The following KIF11 variants were observed in gnomAD, a reference collection of about 807,000 sequenced individuals.
KIF11 encodes the protein kinesin family member 11.
In KIF11, 9 loss-of-function variants were observed where a neutral mutation model predicts 121.0. That is an observed-to-expected ratio of 0.07 (90% CI 0.04 to 0.13). The LOEUF is 0.13. Ranked by LOEUF, KIF11 falls within the 10% of genes least tolerant of loss-of-function variation. KIF11 has a pLI of 1.00. For missense variants in KIF11, 846 were observed against 1,217.5 expected (o/e 0.69, Z 4.54); for synonymous variants, 408 against 421.0 (o/e 0.97, Z 0.38).
intron 11 of KIF11, among the ~76,000 whole-genome samples, chr10:92,629,518 T>C (rs1844713860): frequency 2.6e-5 from 4 of 152,128 alleles, no homozygotes. Flanking sequence ...ATACAGATAT[T>C]GGGAGAGACT....
At position 92,637,477 on chromosome 10, in the gene KIF11, G is replaced by A; in HGVS notation, c.2092G>A (p.Val698Ile). ...ELQENTICSL[V>I]ESQKQCGNLT... Reference sequence around the variant, plus strand: ...ACAAGAAAATACCATTTGTTCCTTGGTTGAGTCACAAAAGCAATGTGGAAA... The same window carrying A: ...ACAAGAAAATACCATTTGTTCCTTGATTGAGTCACAAAAGCAATGTGGAAA... Residue 698 changes from valine to isoleucine, a missense_variant, in exon 16 of 22, where the codon GTT (valine) becomes ATT (isoleucine). By Grantham distance (29) the Val-to-Ile change is conservative. Around this residue, in one of 5 missense-constraint regions of KIF11, gnomAD observed 492 missense variants for 603.4 expected, o/e 0.82. Coordinates refer to ENST00000260731, the MANE Select transcript of KIF11 (RefSeq NM_004523.4). 1 of 1,608,468 alleles carries A rather than the reference G, an allele frequency of 6.2e-7. No individual in the cohort carries two copies. Among genetic ancestry groups the A allele is most frequent in the South Asian group, 1.1e-5 (1 of 89,634 alleles).
In KIF11 at chr10:92,613,448, T is replaced by C; in HGVS notation, c.861T>C (p.Asn287=). 6.2e-7 allele frequency: 1 copy of C among 1,612,406 alleles called. No homozygotes were observed. Among genetic ancestry groups the C allele is most frequent in the Non-Finnish European group, 8.5e-7 (1 of 1,178,484 alleles). ...ATAAGAGAGCTCGGGAAGCTGGAAA[T>C]ATAAATCAATCCCTGTTGACTTTGG... is the stretch of plus-strand genomic sequence containing the variant. ...AVDKRAREAG[N]INQSLLTLGR... is the part of the protein sequence containing the mutation. Residue 287 remains asparagine, a synonymous_variant, in exon 8 of 22, where the codon AAT becomes AAC. Transcript: ENST00000260731. The surrounding 1 kb of genome is among the most constrained non-coding windows in gnomAD (Gnocchi z 4.2).
At chr10:92,649,531 AT>A (rs1055165784) in intron 19 of KIF11, among the ~76,000 whole-genome samples, 4 of 152,094 alleles carry the variant, frequency 2.6e-5, no homozygotes, top group Non-Finnish European at 4.4e-5. Flanking sequence ...TAATGCTGCC[AT>A]TTTTTTCAGA....
intron 18 of KIF11, among the ~76,000 whole-genome samples, chr10:92,647,452 C>T (rs1844931853): frequency 6.6e-6 from 1 of 151,982 alleles, no homozygotes; most frequent in African/African-American, 2.4e-5. Context: ...ATATAGTCAC[C>T]GACTTAAGAC....
intron 1 of KIF11, among the ~76,000 whole-genome samples, chr10:92,597,506 C>G (rs922890083): frequency 6.6e-6 from 1 of 152,064 alleles, no homozygotes; most frequent in East Asian, 1.9e-4. Flanking sequence ...CTCAAGTGAT[C>G]CACCCATTTT....
At chr10:92,608,066 C>T (rs1176495899) in intron 4 of KIF11, among the ~76,000 whole-genome samples, 2 of 112,578 alleles carry the variant, frequency 1.8e-5, no homozygotes, top group Admixed American at 9.5e-5. Context: ...GACTCTGTCT[C>T]AAAAAAAAAC....
intron 6 of KIF11, 143 bp from the exon 7 acceptor site, chr10:92,612,897 C>T: frequency 1.8e-6 from 1 of 554,156 alleles, no homozygotes; most frequent in East Asian, 2.9e-5. Context: ...TCCTATCTTC[C>T]AAAATATTCT....
rs188475580 is a variant in KIF11 at position 92,611,624 on chromosome 10, C to T, written c.699-1416C>T. On this transcript the variant is annotated intron_variant, in intron 6 of 21. Coordinates refer to ENST00000260731, the MANE Select transcript of KIF11 (RefSeq NM_004523.4). ...TTTATAAAAATGATACTTGGCTGGGCGCGATGGCTGACGCTTGTAATCCCA... is the reference window on the plus strand; with the variant it reads ...TTTATAAAAATGATACTTGGCTGGGTGCGATGGCTGACGCTTGTAATCCCA... Among the ~76,000 whole-genome samples the T allele has an allele frequency of 1.2e-3, 184 of 152,106 alleles. 1 individual carries two copies. The highest frequency in any genetic ancestry group is 4.2e-3 in the African/African-American group (173 of 41,488).
At chr10:92,618,411 G>A (rs983913528) in intron 9 of KIF11, among the ~76,000 whole-genome samples, 2 of 151,738 alleles carry the variant, frequency 1.3e-5, no homozygotes, top group African/African-American at 2.4e-5. Flanking sequence ...TTGGGAGGCC[G>A]AGGTAGGCGG....
chr10:92,645,214 C>A (rs1316097283), intron 17 of KIF11, 149 bp from the exon 18 acceptor site: 4 of 581,914 alleles, frequency 6.9e-6, no homozygotes, highest in Non-Finnish European at 1.2e-5. Context: ...CATCCATTCT[C>A]AATGCAGAAG....
intron 17 of KIF11, among the ~76,000 whole-genome samples, chr10:92,645,039 T>A (rs1342827868): frequency 6.6e-6 from 1 of 152,202 alleles, no homozygotes; most frequent in Non-Finnish European, 1.5e-5. Context: ...GACAAGAGGC[T>A]GTAGTAGATG....
At chr10:92,650,790 C>G (rs1786979442) in intron 21 of KIF11, among the ~76,000 whole-genome samples, 1 of 152,096 alleles carries the variant, frequency 6.6e-6, no homozygotes, top group Admixed American at 6.5e-5. Context: ...TTGCTATATA[C>G]TCAGACACTG....
chr10:92,603,335 G>C, intron 1 of KIF11, among the ~76,000 whole-genome samples: 1 of 129,994 alleles, frequency 7.7e-6, no homozygotes, highest in African/African-American at 2.9e-5. Flanking sequence ...GCGCATTCTT[G>C]GCTCACCGCA....
intron 21 of KIF11, 24 bp downstream of exon 21, chr10:92,650,541 C>A: frequency 8.3e-7 from 1 of 1,206,716 alleles, no homozygotes; most frequent in South Asian, 1.2e-5. Flanking sequence ...GATAACCCTT[C>A]CACATCTGAT....
At chr10:92,614,545 A>T (rs566914054) in intron 8 of KIF11, among the ~76,000 whole-genome samples, 29 of 152,146 alleles carry the variant, frequency 1.9e-4, no homozygotes, top group Non-Finnish European at 3.4e-4. Context: ...TTTTCCACAC[A>T]GTCTTCAAAG....
intron 4 of KIF11, 137 bp downstream of exon 4, chr10:92,607,374 C>T (rs1453251800): frequency 5.2e-6 from 3 of 574,710 alleles, no homozygotes; most frequent in African/African-American, 1.9e-5. Flanking sequence ...ACCACTACTA[C>T]AGTAAAATTA....
Position 92,628,863 on chromosome 10 carries a change from A to C in KIF11, c.1273A>C (p.Lys425Gln). The stretch of plus-strand genomic sequence containing the variant: ...AGAGCAGATTGTAGAATTGATTGAA[A>C]AAATTGGTGCTGTTGAGGAGGAGCT... ...QEEQIVELIEKIGAVEEELNR... is the reference protein window; with the variant it reads ...QEEQIVELIEQIGAVEEELNR... Residue 425 changes from lysine to glutamine, a missense_variant, in exon 11 of 22, where the codon AAA (lysine) becomes CAA (glutamine). By Grantham distance (53) the Lys-to-Gln change is moderately conservative. This residue lies in a region of KIF11 where 95 missense variants were observed against 109.3 expected (regional missense o/e 0.87). Transcript: ENST00000260731. 6.2e-7 allele frequency: 1 copy of C among 1,603,948 alleles called. No individual in the cohort carries two copies. Among genetic ancestry groups the C allele is most frequent in the Non-Finnish European group, 8.5e-7 (1 of 1,172,526 alleles).
intron 13 of KIF11, among the ~76,000 whole-genome samples, chr10:92,632,903 A>G (rs938341504): frequency 6.6e-6 from 1 of 152,144 alleles, no homozygotes. Context: ...TTTTCTATAA[A>G]ATGTTACATT....
intron 21 of KIF11, among the ~76,000 whole-genome samples, chr10:92,651,076 A>C (rs1186716197): frequency 6.6e-6 from 1 of 151,984 alleles, no homozygotes; most frequent in African/African-American, 2.4e-5. Context: ...ACCCAGGCTG[A>C]AGTGGAGTGG....
Sources: gnomAD v4.1 joint callset for allele counts (sites outside exome capture counted in the v4.1 genomes callset) on GRCh38, gnomAD v4.1.1 for gene constraint, gnomAD v4.1.1 regional missense constraint, Gnocchi (gnomAD v3.1) non-coding constraint, MANE v1.5 for transcripts, NCBI Gene and HGNC (gene_info 2026-07-23, HGNC 2026-07-21) for gene names.